CD300C: variants seen among roughly 807,000 people sequenced by gnomAD.
CD300C encodes the protein CMRF35-like molecule 6.
In CD300C, 11 loss-of-function variants were observed where a neutral mutation model predicts 18.4. The ratio of observed to expected loss-of-function variants is 0.60; its 90% CI spans 0.38 to 0.99. The LOEUF is 0.99. Among genes scored for constraint, CD300C ranks in the 50% least tolerant of loss-of-function variants. CD300C has a pLI of 0.01. For synonymous variants in CD300C, 116 were observed against 116.3 expected, an observed-to-expected ratio of 1.00 and a Z score of 0.02; for missense variants, 277 against 287.4, an observed-to-expected ratio of 0.96 and a Z score of 0.26.
chr17:74,539,870 C>T (rs10852753), downstream of CD300C, among the ~76,000 whole-genome samples: 72,861 of 152,046 alleles, frequency 0.48, 18,578 homozygotes, highest in Middle Eastern at 0.68. Context: ...GGACTGGTAG[C>T]TCATGGAGAA....
At position 74,544,660 on chromosome 17, in the gene CD300C, G is replaced by C. The variant is rs776351124; in HGVS notation, c.349C>G (p.Leu117Val). 6.2e-7 allele frequency: 1 copy of C among 1,614,142 alleles called. No homozygotes were observed. The highest frequency in any genetic ancestry group is 2.2e-5 in the East Asian group (1 of 44,862). Residue 117 changes from leucine (L) to valine (V), a missense_variant, in exon 2 of 4, where the codon CTC becomes GTC. By Grantham distance (32) the Leu-to-Val change is conservative. Transcript: ENST00000330793. ...ACAATGGGATCATGAAAGTCTCGGA[G>C]CCACGGTGTATCCACCCCACACCAG... ...TYWCGVDTPW[L>V]RDFHDPIVEV...
At chr17:74,537,090 A>G, downstream of CD300C, among the ~76,000 whole-genome samples, 1 of 151,830 alleles carries the variant, frequency 6.6e-6, no homozygotes, top group East Asian at 1.9e-4. Context: ...AGTAGGCAGA[A>G]GAGTAGGCAG....
intron 3 of CD300C, 148 bp from the exon 4 acceptor site, chr17:74,541,884 A>G (rs771645795): frequency 2.2e-5 from 17 of 787,236 alleles, no homozygotes; most frequent in Admixed American, 1.3e-4. Flanking sequence ...TCTCAGCATC[A>G]CGGCCCCTAA....
Position 74,541,428 on chromosome 17 carries a change from A to G in CD300C, c.*161T>C, listed in dbSNP as rs1568005847. ...GGGCGTCCATGTCCGTCAGGTTCAC[A>G]TGTGACACATGAGGATCGGGCACAG... On this transcript the variant is annotated 3_prime_UTR_variant, in exon 4 of 4. Coordinates refer to ENST00000330793, the MANE Select transcript of CD300C (RefSeq NM_006678.5). 3.0e-6 allele frequency: 2 copies of G among 661,476 alleles called. No individual in the cohort carries two copies. The highest frequency in any genetic ancestry group is 5.5e-6 in the Non-Finnish European group (2 of 364,880). The allele number at this position is 661,476 out of a possible 1,614,324, so 41.0% of individuals were successfully genotyped here. A position where few individuals can be genotyped will look rare whatever the true frequency, so the allele number is the denominator to read the frequency against.
At chr17:74,536,760 A>G (rs905067208), downstream of CD300C, among the ~76,000 whole-genome samples, 2 of 152,224 alleles carry the variant, frequency 1.3e-5, no homozygotes, top group African/African-American at 4.8e-5. Flanking sequence ...ACTGCTGATA[A>G]GAAGCAAAAA....
At chr17:74,534,837 A>C in the CD300C span, among the ~76,000 whole-genome samples, 1 of 152,246 alleles carries the variant, frequency 6.6e-6, no homozygotes, top group African/African-American at 2.4e-5. Context: ...ACTTTTCATG[A>C]TAAACTAGGA....
chr17:74,536,532 CAAAA>C (rs376317178), downstream of CD300C, among the ~76,000 whole-genome samples: 2 of 109,208 alleles, frequency 1.8e-5, no homozygotes, highest in Non-Finnish European at 1.8e-5. Context: ...GACTCCGTCT[CAAAA>C]AAAAAAAAAA....
intron 1 of CD300C, 109 bp from the exon 2 acceptor site, chr17:74,545,056 G>GCAGGC: frequency 9.8e-7 from 1 of 1,019,040 alleles, no homozygotes. Flanking sequence ...GCAATGGCAG[G>GCAGGC]CAGGCAGCCT....
downstream of CD300C, among the ~76,000 whole-genome samples, chr17:74,538,225 G>A (rs1908438060): frequency 6.6e-6 from 1 of 152,204 alleles, no homozygotes; most frequent in Non-Finnish European, 1.5e-5. Context: ...GCTTGGCGCG[G>A]TATTGATGGG....
chr17:74,535,713 T>A, the CD300C span, among the ~76,000 whole-genome samples: 2 of 152,144 alleles, frequency 1.3e-5, no homozygotes, highest in African/African-American at 4.8e-5. Context: ...TTTTAGTACG[T>A]TGACTGGTTA....
downstream of CD300C, among the ~76,000 whole-genome samples, chr17:74,540,250 G>A (rs933577619): frequency 3.3e-5 from 5 of 152,152 alleles, no homozygotes; most frequent in African/African-American, 1.2e-4. Context: ...CCTGATCCCT[G>A]CTTGCTCAGC....
At chr17:74,540,115 A>T (rs1345362780), downstream of CD300C, among the ~76,000 whole-genome samples, 1 of 152,118 alleles carries the variant, frequency 6.6e-6, no homozygotes, top group African/African-American at 2.4e-5. Flanking sequence ...CCAGAGAGGG[A>T]TCTGCTTCCT....
At chr17:74,535,229 G>A in the CD300C span, among the ~76,000 whole-genome samples, 1 of 152,148 alleles carries the variant, frequency 6.6e-6, no homozygotes. Flanking sequence ...AGCACTTTGG[G>A]AGGCTGAGGC....
At chr17:74,536,308 T>C (rs6416843), downstream of CD300C, among the ~76,000 whole-genome samples, 81,932 of 151,726 alleles carry the variant, frequency 0.54, 22,681 homozygotes, top group Middle Eastern at 0.69. Context: ...TTCTACCAAT[T>C]GGATCATGAG....
downstream of CD300C, among the ~76,000 whole-genome samples, chr17:74,537,058 GAAA>G (rs573615753): frequency 0.01 from 1,339 of 130,170 alleles, 29 homozygotes; most frequent in African/African-American, 0.053. Context: ...GAAAAAAGAA[GAAA>G]AGGAGGAGGA....
At chr17:74,542,384 T>G (rs1484710653) in intron 3 of CD300C, among the ~76,000 whole-genome samples, 1 of 152,100 alleles carries the variant, frequency 6.6e-6, no homozygotes, top group African/African-American at 2.4e-5. Context: ...GCAGGACATT[T>G]GCCTCACTCC....
At chr17:74,539,400 C>T (rs1048209180), downstream of CD300C, among the ~76,000 whole-genome samples, 8 of 152,196 alleles carry the variant, frequency 5.3e-5, no homozygotes, top group African/African-American at 1.9e-4. Flanking sequence ...CAGGTCTGAC[C>T]TTGACCCAGC....
rs541591271 is a variant in CD300C, at chr17:74,543,433, C to T, written c.401-446G>A. Among the ~76,000 whole-genome samples, 93 of 152,348 alleles carry T rather than the reference C, an allele frequency of 6.1e-4. 1 individual carries two copies. The highest frequency in any genetic ancestry group is 1.3e-3 in the African/African-American group (55 of 41,582). ...CCCTGAACGATGGGACCCGAGTCCA[C>T]TCAGCCCCAAATGGCAGCCATGCTG... On this transcript the variant is annotated intron_variant, in intron 2 of 3. Transcript: ENST00000330793.
the CD300C span, among the ~76,000 whole-genome samples, chr17:74,535,418 G>C: frequency 6.8e-6 from 1 of 146,226 alleles, no homozygotes; most frequent in Non-Finnish European, 1.5e-5. Context: ...GCAGTGAGCC[G>C]AGATTGCACC....
Sources: gnomAD v4.1 joint callset for allele counts (sites outside exome capture counted in the v4.1 genomes callset) on GRCh38, gnomAD v4.1.1 for gene constraint, MANE v1.5 for transcripts, NCBI Gene and HGNC (gene_info 2026-07-23, HGNC 2026-07-21) for gene names.